ASCC3: variants seen among roughly 807,000 people sequenced by gnomAD.
ASCC3 encodes the protein ASC-1 complex subunit P200.
A neutral mutation model predicts 256.3 loss-of-function variants in ASCC3; 158 were observed. That is an observed-to-expected ratio of 0.62 (90% CI 0.54 to 0.70). The LOEUF is 0.70. Ranked by LOEUF, ASCC3 falls within the 30% of genes least tolerant of loss-of-function variation. The probability of loss-of-function intolerance (pLI) is 0.00; values close to 1 mark genes in which losing one functional copy is unlikely to be tolerated. For synonymous variants in ASCC3, 948 were observed against 883.4 expected (o/e 1.07, Z -1.30); for missense variants, 2,259 against 2,626.0 (o/e 0.86, Z 3.05).
chr6:100,736,924 G>C (rs73504904), intron 10 of ASCC3, among the ~76,000 whole-genome samples: 1,909 of 152,244 alleles, frequency 0.013, 43 homozygotes, highest in African/African-American at 0.045. Flanking sequence ...GAGGCAGGCA[G>C]ACTGCTTGAG....
At chr6:100,831,385 T>C (rs1446379058) in intron 4 of ASCC3, among the ~76,000 whole-genome samples, 1 of 150,674 alleles carries the variant, frequency 6.6e-6, no homozygotes, top group Non-Finnish European at 1.5e-5. Flanking sequence ...ATAAGACTAA[T>C]ATCTCCCTCA....
chr6:100,829,276 C>A (rs1483367319), intron 4 of ASCC3, among the ~76,000 whole-genome samples: 1 of 152,140 alleles, frequency 6.6e-6, no homozygotes, highest in Admixed American at 6.5e-5. Flanking sequence ...CACCGTGGAG[C>A]AGGGGGCGGC....
At chr6:100,871,231 G>A (rs778844747) in intron 1 of ASCC3, among the ~76,000 whole-genome samples, 1 of 152,010 alleles carries the variant, frequency 6.6e-6, no homozygotes, top group Non-Finnish European at 1.5e-5. Flanking sequence ...GAGTAGCTGG[G>A]ATTACAGGTA....
At chr6:100,861,948 T>C (rs1229506704) in intron 3 of ASCC3, among the ~76,000 whole-genome samples, 1 of 152,184 alleles carries the variant, frequency 6.6e-6, no homozygotes, top group Non-Finnish European at 1.5e-5. Context: ...AACTTAGTCA[T>C]GGTATTGAAT....
At chr6:100,831,420 A>G (rs1398961452) in intron 4 of ASCC3, among the ~76,000 whole-genome samples, 1 of 152,214 alleles carries the variant, frequency 6.6e-6, no homozygotes, top group East Asian at 1.9e-4. Flanking sequence ...AAAATAGGCA[A>G]AGCAATGAAC....
intron 4 of ASCC3, among the ~76,000 whole-genome samples, chr6:100,817,265 G>A (rs542546237): frequency 1.3e-4 from 20 of 151,880 alleles, no homozygotes; most frequent in Admixed American, 7.2e-4. Context: ...CAAAACTTAC[G>A]GGATTAGCTA....
In ASCC3 at chr6:100,745,326, C is replaced by CA. The variant is rs977499005; in HGVS notation, c.1738-19624dup. Reference sequence around the variant, plus strand: ...TGGGTGACAGAGCGAGACTCCATCTCAAAAAAAAAAAATTAGCCAGGCATG... The same window carrying CA: ...TGGGTGACAGAGCGAGACTCCATCTCAAAAAAAAAAAAATTAGCCAGGCATG... On this transcript the variant is annotated intron_variant, in intron 10 of 41. Transcript: ENST00000369162. 3.3e-3 allele frequency among the ~76,000 whole-genome samples: 469 copies of CA among 141,406 alleles called. 2 individuals carry two copies. Among genetic ancestry groups the CA allele is most frequent in the African/African-American group, 1.0e-2 (385 of 38,642 alleles). The allele number at this position is 141,406 out of a possible 152,430, so 92.8% of individuals were successfully genotyped here. A position where few individuals can be genotyped will look rare whatever the true frequency, so the allele number is the denominator to read the frequency against.
chr6:100,680,797 A>G (rs1472230610), intron 13 of ASCC3, among the ~76,000 whole-genome samples: 4 of 140,010 alleles, frequency 2.9e-5, no homozygotes, highest in Admixed American at 2.2e-4. Flanking sequence ...CCTCTTCTCA[A>G]TATCTCCCCT....
intron 8 of ASCC3, among the ~76,000 whole-genome samples, chr6:100,780,321 T>C (rs1157485472): frequency 6.6e-6 from 1 of 152,180 alleles, no homozygotes; most frequent in Non-Finnish European, 1.5e-5. Context: ...ATAATGCTCA[T>C]AAATTGATAA....
chr6:100,837,624 C>G (rs994631925), intron 4 of ASCC3, among the ~76,000 whole-genome samples: 1 of 151,922 alleles, frequency 6.6e-6, no homozygotes, highest in African/African-American at 2.4e-5. Context: ...TAAAATAAGC[C>G]GGGCACAGTA....
chr6:100,879,079 C>T (rs555506724), intron 1 of ASCC3, among the ~76,000 whole-genome samples: 2 of 152,230 alleles, frequency 1.3e-5, no homozygotes, highest in Admixed American at 1.3e-4. Context: ...TAGAGTGGTT[C>T]ACAGAACTCA....
At position 100,655,837 on chromosome 6, in the gene ASCC3, A is replaced by G. The variant is rs764995225; in HGVS notation, c.2704-19T>C. On this transcript the variant is annotated intron_variant, in intron 16 of 41. Transcript: ENST00000369162. Reference sequence around the variant, plus strand: ...GAGCAATCTGCAAATCAAAAAGATGACAGAAATTAATGTATTAAAGTTGAA... The same window carrying G: ...GAGCAATCTGCAAATCAAAAAGATGGCAGAAATTAATGTATTAAAGTTGAA... 1 of 1,609,166 alleles carries G rather than the reference A, an allele frequency of 6.2e-7. No homozygotes were observed. Among genetic ancestry groups the G allele is most frequent in the Non-Finnish European group, 8.5e-7 (1 of 1,178,434 alleles).
At chr6:100,786,156 A>G (rs1199410671) in intron 8 of ASCC3, among the ~76,000 whole-genome samples, 1 of 152,186 alleles carries the variant, frequency 6.6e-6, no homozygotes, top group East Asian at 1.9e-4. Flanking sequence ...CTGACAAACC[A>G]TCCAGATTGT....
chr6:100,612,686 C>T (rs527291294), intron 30 of ASCC3, among the ~76,000 whole-genome samples: 18 of 151,764 alleles, frequency 1.2e-4, no homozygotes, highest in African/African-American at 4.1e-4. Context: ...TATGATAAAC[C>T]CCATACACTG....
chr6:100,734,173 G>C (rs1279964361), intron 10 of ASCC3, among the ~76,000 whole-genome samples: 1 of 152,144 alleles, frequency 6.6e-6, no homozygotes, highest in Non-Finnish European at 1.5e-5. Context: ...TGGGTAGCAG[G>C]AGAAGAATTT....
intron 3 of ASCC3, among the ~76,000 whole-genome samples, chr6:100,860,244 C>T (rs1773156563): frequency 6.6e-6 from 1 of 151,934 alleles, no homozygotes; most frequent in South Asian, 2.1e-4. Context: ...TATCCTTCAA[C>T]AGTCATGAAG....
chr6:100,546,824 TA>T (rs947784011), intron 36 of ASCC3, among the ~76,000 whole-genome samples: 1 of 152,106 alleles, frequency 6.6e-6, no homozygotes, highest in African/African-American at 2.4e-5. Context: ...AAACTGCCAA[TA>T]CCTGATTTCT....
chr6:100,596,685 A>C (rs908830225), intron 34 of ASCC3, among the ~76,000 whole-genome samples: 1 of 152,130 alleles, frequency 6.6e-6, no homozygotes, highest in African/African-American at 2.4e-5. Context: ...TTTCTATGTC[A>C]ATCACGTTTG....
At chr6:100,633,877 CA>C (rs60180833) in intron 25 of ASCC3, among the ~76,000 whole-genome samples, 47 of 139,900 alleles carry the variant, frequency 3.4e-4, no homozygotes, top group Non-Finnish European at 3.6e-4. Context: ...AACTCCGTCT[CA>C]AAAAAAAAAA....
Sources: gnomAD v4.1 joint callset for allele counts (sites outside exome capture counted in the v4.1 genomes callset) on GRCh38, gnomAD v4.1.1 for gene constraint, MANE v1.5 for transcripts, NCBI Gene and HGNC (gene_info 2026-07-23, HGNC 2026-07-21) for gene names.